Variants in HIVEP2 observed in about 807,000 individuals in gnomAD.
HIVEP2 encodes HIVEP zinc finger 2.
In HIVEP2, 14 loss-of-function variants were observed where a neutral mutation model predicts 180.7. That is an observed-to-expected ratio of 0.08 (90% CI 0.05 to 0.12). The LOEUF (loss-of-function observed/expected upper bound fraction) is 0.12. Among genes scored for constraint, HIVEP2 ranks in the 10% least tolerant of loss-of-function variants. HIVEP2 has a pLI of 1.00. For synonymous variants in HIVEP2, 1,184 were observed against 1,136.4 expected (o/e 1.04, Z -0.84); for missense variants, 2,579 against 3,008.5 (o/e 0.86, Z 3.34).
intron 6 of HIVEP2, among the ~76,000 whole-genome samples, chr6:142,766,587 A>G (rs1562501368): frequency 2.0e-5 from 3 of 152,204 alleles, no homozygotes; most frequent in Non-Finnish European, 4.4e-5. Context: ...GTGATGGGAA[A>G]TGCATTTTAT....
chr6:142,865,753 G>A (rs1776123358), intron 1 of HIVEP2, among the ~76,000 whole-genome samples: 1 of 152,186 alleles, frequency 6.6e-6, no homozygotes, highest in South Asian at 2.1e-4. Flanking sequence ...ATTTCTAGAA[G>A]ATAGAGGTGA....
intron 1 of HIVEP2, among the ~76,000 whole-genome samples, chr6:142,859,000 G>A (rs1398539873): frequency 6.6e-6 from 1 of 152,124 alleles, no homozygotes; most frequent in African/African-American, 2.4e-5. Context: ...GGAGCTTGAG[G>A]ACTGGGCTCA....
At chr6:142,882,454 T>A (rs198684) in intron 1 of HIVEP2, among the ~76,000 whole-genome samples, 79,801 of 151,324 alleles carry the variant, frequency 0.53, 22,065 homozygotes, top group African/African-American at 0.62. Flanking sequence ...CCACAAAAAA[T>A]AAATAAATAA....
chr6:142,926,880 G>C (rs1777827070), intron 1 of HIVEP2, among the ~76,000 whole-genome samples: 1 of 152,050 alleles, frequency 6.6e-6, no homozygotes, highest in Admixed American at 6.5e-5. Context: ...GCAGGAAGGG[G>C]GGAGGCCGAG....
At chr6:142,928,671 G>A (rs1263935933) in intron 1 of HIVEP2, among the ~76,000 whole-genome samples, 1 of 152,114 alleles carries the variant, frequency 6.6e-6, no homozygotes, top group Non-Finnish European at 1.5e-5. Flanking sequence ...GTATATTAGA[G>A]TTTGCTATTT....
At chr6:142,915,603 A>G (rs954268656) in intron 1 of HIVEP2, among the ~76,000 whole-genome samples, 4 of 152,138 alleles carry the variant, frequency 2.6e-5, no homozygotes, top group Admixed American at 6.6e-5. Context: ...ACCTCTCCTC[A>G]CATAGATGCT....
chr6:142,921,338 C>T (rs1777679170), intron 1 of HIVEP2, among the ~76,000 whole-genome samples: 1 of 152,338 alleles, frequency 6.6e-6, no homozygotes, highest in Admixed American at 6.5e-5. Context: ...GAGTTCGAGA[C>T]CAGCCTGGCC....
chr6:142,771,999 G>C lies in HIVEP2; in HGVS notation c.2740C>G (p.Pro914Ala), dbSNP rs199840563. 818 of 1,614,216 alleles carry C rather than the reference G, an allele frequency of 5.1e-4. No individual in the cohort carries two copies. The highest frequency in any genetic ancestry group is 6.8e-4 in the Non-Finnish European group (804 of 1,180,046). ...KEAQSKEPEK[P>A]VEEFQWPQRS... is the part of the protein sequence containing the mutation. Reference sequence around the variant, plus strand: ...TGGGGCCACTGAAATTCTTCCACAGGCTTCTCTGGCTCTTTGCTCTGGGCT... The same window carrying C: ...TGGGGCCACTGAAATTCTTCCACAGCCTTCTCTGGCTCTTTGCTCTGGGCT... The change falls in exon 5 of 10, where the codon CCT becomes GCT. Residue 914 changes from proline to alanine, a missense_variant. Pro to Ala is a conservative substitution (Grantham distance 27). Around this residue, in one of 11 missense-constraint regions of HIVEP2, gnomAD observed 51 missense variants for 102.8 expected, o/e 0.50. Coordinates refer to ENST00000367603, the MANE Select transcript of HIVEP2 (RefSeq NM_006734.4). This position sits in a 1 kb window ranked among gnomAD's most constrained non-coding sequence, Gnocchi z 5.4.
At position 142,771,643 on chromosome 6, in the gene HIVEP2, T is replaced by C. The variant is rs749169679; in HGVS notation, c.3096A>G (p.Ser1032=). The change falls in exon 5 of 10, where the codon TCA becomes TCG. Residue 1032 remains serine (S), a synonymous_variant. Transcript: ENST00000367603. The surrounding 1 kb of genome is among the most constrained non-coding windows in gnomAD (Gnocchi z 5.4). The part of the protein sequence containing the change: ...HHQKEMRRCS[S]EQMPCPHPAE... ...CTGGGTGAGGACAAGGCATCTGCTC[T>C]GATGAGCAGCGTCGCATCTCTTTCT... The C allele has an allele frequency of 1.2e-6, 2 of 1,614,192 alleles. No individual in the cohort carries two copies. The highest frequency in any genetic ancestry group is 2.2e-5 in the East Asian group (1 of 44,886).
At chr6:142,810,277 A>G (rs549220250) in intron 2 of HIVEP2, among the ~76,000 whole-genome samples, 1 of 152,292 alleles carries the variant, frequency 6.6e-6, no homozygotes, top group East Asian at 1.9e-4. Flanking sequence ...TTCAATGACT[A>G]TACGTATATA....
At chr6:142,790,314 T>A (rs1317360651) in intron 2 of HIVEP2, among the ~76,000 whole-genome samples, 1 of 152,218 alleles carries the variant, frequency 6.6e-6, no homozygotes, top group East Asian at 1.9e-4. Context: ...AAAATCTTTT[T>A]TTGCTCTCTC....
rs566880017 is a variant in HIVEP2, at chr6:142,937,309, C to G, written c.-641+7790G>C. Among the ~76,000 whole-genome samples the G allele has an allele frequency of 7.2e-4, 110 of 152,272 alleles. 1 individual carries two copies. In the South Asian group the frequency reaches 0.022, roughly 30 times the overall value. On this transcript the variant is annotated intron_variant, in intron 1 of 9. Transcript: ENST00000367603. ...AATATTTAATATTTTACTGTCACAA[C>G]AATTTGAATTGTCCTATGTTTTTCT... is the stretch of plus-strand genomic sequence containing the variant.
intron 1 of HIVEP2, among the ~76,000 whole-genome samples, chr6:142,859,830 G>A (rs1264344740): frequency 4.3e-4 from 24 of 55,410 alleles, no homozygotes; most frequent in Admixed American, 1.4e-3. Context: ...GTGAAACTCC[G>A]TCTCAAAAAA....
chr6:142,810,391 C>G (rs1776661908), intron 2 of HIVEP2, among the ~76,000 whole-genome samples: 1 of 152,082 alleles, frequency 6.6e-6, no homozygotes, highest in Non-Finnish European at 1.5e-5. Context: ...ATTTGTCATG[C>G]TTTCAGTAAG....
intron 1 of HIVEP2, among the ~76,000 whole-genome samples, chr6:142,918,935 T>A (rs1317408820): frequency 6.6e-6 from 1 of 152,242 alleles, no homozygotes; most frequent in Non-Finnish European, 1.5e-5. Context: ...CATGTTTCTT[T>A]ATAATACATA....
chr6:142,891,035 TA>T, intron 1 of HIVEP2, among the ~76,000 whole-genome samples: 1 of 152,314 alleles, frequency 6.6e-6, no homozygotes, highest in South Asian at 2.1e-4. Flanking sequence ...ACCTGTGCTG[TA>T]AAGATAGGGT....
At chr6:142,910,858 T>C (rs956759984) in intron 1 of HIVEP2, among the ~76,000 whole-genome samples, 25 of 152,196 alleles carry the variant, frequency 1.6e-4, no homozygotes, top group Admixed American at 1.5e-3. Context: ...GCGTAGAGCA[T>C]GGGGGCCTGA....
intron 1 of HIVEP2, among the ~76,000 whole-genome samples, chr6:142,918,185 TA>T (rs755454352): frequency 3.9e-5 from 6 of 152,078 alleles, no homozygotes; most frequent in African/African-American, 1.4e-4. Flanking sequence ...CCTCCCTATT[TA>T]TTTTTCCCTA....
At chr6:142,851,279 C>T (rs1341991809) in intron 1 of HIVEP2, among the ~76,000 whole-genome samples, 4 of 152,140 alleles carry the variant, frequency 2.6e-5, no homozygotes, top group East Asian at 3.9e-4. Context: ...GGTTGAGGCT[C>T]TTTTATATAC....
Sources: allele counts gnomAD v4.1 joint callset (sites outside exome capture counted in the v4.1 genomes callset), GRCh38; gene constraint gnomAD v4.1.1; regional missense constraint gnomAD v4.1.1; non-coding constraint Gnocchi (gnomAD v3.1); transcripts MANE v1.5; gene names NCBI Gene and HGNC (gene_info 2026-07-23, HGNC 2026-07-21).